The following PTPRK variants were observed in gnomAD, a reference collection of about 807,000 sequenced individuals.
PTPRK encodes protein tyrosine phosphatase receptor type K, also known as receptor-type tyrosine-protein phosphatase kappa.
Under a neutral mutation model 178.0 loss-of-function variants are expected in PTPRK, and 75 were observed. The observed-to-expected ratio is 0.42, with a 90% CI of 0.35 to 0.51. PTPRK has a LOEUF of 0.51. Ranked by LOEUF, PTPRK falls within the 20% of genes least tolerant of loss-of-function variation. The pLI is 0.02. For missense variants in PTPRK, 1,441 were observed against 1,797.8 expected (o/e 0.80, Z 3.59); for synonymous variants, 637 against 620.6 (o/e 1.03, Z -0.39).
chr6:128,280,368 C>T (rs1439395153), intron 3 of PTPRK, among the ~76,000 whole-genome samples: 1 of 152,096 alleles, frequency 6.6e-6, no homozygotes, highest in Non-Finnish European at 1.5e-5. Flanking sequence ...AAATACTGTT[C>T]CTATATGATC....
chr6:128,301,373 T>C (rs1424120758), intron 3 of PTPRK, among the ~76,000 whole-genome samples: 2 of 151,330 alleles, frequency 1.3e-5, no homozygotes. Flanking sequence ...TACTCTCTTT[T>C]AAAAAAAAAT....
rs186650809 is a variant in PTPRK at position 128,026,629 on chromosome 6, T to C, written c.2195-17361A>G. Among the ~76,000 whole-genome samples the C allele has an allele frequency of 4.6e-5, 7 of 152,328 alleles. No individual in the cohort carries two copies. The East Asian group carries it at 1.3e-3, about 29-fold the overall frequency. On this transcript the variant is annotated intron_variant, in intron 13 of 29. Coordinates refer to ENST00000368226, the MANE Select transcript of PTPRK (RefSeq NM_002844.4). ...TAATATACAATTACTGGTATTACTA[T>C]TAAGGATTAAGAAAGCACTGGCATG...
intron 7 of PTPRK, among the ~76,000 whole-genome samples, chr6:128,129,896 T>C (rs1379016582): frequency 1.3e-5 from 2 of 152,130 alleles, no homozygotes; most frequent in African/African-American, 2.4e-5. Flanking sequence ...AAGGAAAAAA[T>C]GCCATCCAAG....
chr6:128,474,233 T>C (rs557313410), intron 1 of PTPRK, among the ~76,000 whole-genome samples: 5 of 151,842 alleles, frequency 3.3e-5, no homozygotes, highest in Non-Finnish European at 5.9e-5. Flanking sequence ...AAGAGAAACA[T>C]GAATGTTTAT....
At chr6:128,433,486 A>C (rs80347064) in intron 1 of PTPRK, among the ~76,000 whole-genome samples, 3,893 of 150,916 alleles carry the variant, frequency 0.026, 163 homozygotes, top group African/African-American at 0.09. Flanking sequence ...CATTTCTAAT[A>C]GTTTTTTTTT....
chr6:128,291,685 C>T (rs1823408242), intron 3 of PTPRK, among the ~76,000 whole-genome samples: 1 of 152,122 alleles, frequency 6.6e-6, no homozygotes, highest in Non-Finnish European at 1.5e-5. Flanking sequence ...TATACCCTTT[C>T]TCAACTGGGA....
intron 1 of PTPRK, chr6:128,409,249 CTAT>C (rs1162088911): frequency 4.6e-6 from 2 of 439,268 alleles, no homozygotes; most frequent in Non-Finnish European, 4.5e-6. Flanking sequence ...TAAAACATGG[CTAT>C]AACTTCCTAT....
rs182563137 is a variant in PTPRK at position 128,354,568 on chromosome 6, C to T, written c.224-32258G>A. On this transcript the variant is annotated intron_variant, in intron 2 of 29. Transcript: ENST00000368226. ...ATGTTTAATGTTACGATATATCTCA[C>T]ACATTCTAAATTTGTTGTATTTTTA... Among the ~76,000 whole-genome samples the T allele has an allele frequency of 1.8e-3, 272 of 152,272 alleles. 1 individual carries two copies. Among genetic ancestry groups the T allele is most frequent in the African/African-American group, 6.1e-3 (255 of 41,562 alleles).
At chr6:128,370,170 G>C (rs569153820) in intron 2 of PTPRK, among the ~76,000 whole-genome samples, 12 of 152,122 alleles carry the variant, frequency 7.9e-5, no homozygotes, top group African/African-American at 2.9e-4. Context: ...AACAAAAAGT[G>C]GTTCGACGAT....
At chr6:128,350,775 T>C (rs1465775405) in intron 2 of PTPRK, among the ~76,000 whole-genome samples, 1 of 152,180 alleles carries the variant, frequency 6.6e-6, no homozygotes, top group African/African-American at 2.4e-5. Context: ...TGAAAAGTTA[T>C]CACCAAGCAA....
At chr6:128,055,478 C>T (rs549146482) in intron 13 of PTPRK, among the ~76,000 whole-genome samples, 111 of 152,146 alleles carry the variant, frequency 7.3e-4, no homozygotes, top group African/African-American at 2.6e-3. Flanking sequence ...TTACTAAATT[C>T]CTTAGCAGTG....
chr6:128,226,620 C>T (rs1280887541), intron 5 of PTPRK, among the ~76,000 whole-genome samples: 1 of 152,070 alleles, frequency 6.6e-6, no homozygotes, highest in Non-Finnish European at 1.5e-5. Flanking sequence ...CATGTTTTAG[C>T]CTGCCCTCCC....
intron 13 of PTPRK, among the ~76,000 whole-genome samples, chr6:128,042,739 G>A (rs1777406518): frequency 6.6e-6 from 1 of 151,920 alleles, no homozygotes; most frequent in African/African-American, 2.4e-5. Flanking sequence ...TTTGTGGGGG[G>A]ACATTATTCA....
chr6:128,058,360 T>C (rs552560082), intron 13 of PTPRK, among the ~76,000 whole-genome samples: 1 of 152,304 alleles, frequency 6.6e-6, no homozygotes, highest in South Asian at 2.1e-4. Context: ...AATTTTGGTA[T>C]AGGTGTAGTG....
chr6:128,347,877 A>G, intron 2 of PTPRK, among the ~76,000 whole-genome samples: 1 of 152,074 alleles, frequency 6.6e-6, no homozygotes, highest in East Asian at 1.9e-4. Flanking sequence ...AACCATCATA[A>G]TATTCCATAA....
chr6:128,484,886 TCTAA>T (rs1262732071), intron 1 of PTPRK, among the ~76,000 whole-genome samples: 1 of 152,146 alleles, frequency 6.6e-6, no homozygotes, highest in South Asian at 2.1e-4. Flanking sequence ...AATCCACAAC[TCTAA>T]CTACTATAAT....
chr6:128,235,839 C>T lies in PTPRK; in HGVS notation c.693+4196G>A, dbSNP rs150471335. On this transcript the variant is annotated intron_variant, in intron 5 of 29. Coordinates refer to ENST00000368226, the MANE Select transcript of PTPRK (RefSeq NM_002844.4). The stretch of plus-strand genomic sequence containing the variant: ...AATAGTAGCCTAATGCTACATCACA[C>T]TGCCTATGTCATTCACCTCACTTAT... 8.5e-3 allele frequency among the ~76,000 whole-genome samples: 1,291 copies of T among 152,216 alleles called. 60 individuals are homozygous for T. Among genetic ancestry groups the T allele is most frequent in the Admixed American group, 0.065 (991 of 15,276 alleles).
intron 13 of PTPRK, among the ~76,000 whole-genome samples, chr6:128,045,175 C>G (rs963492052): frequency 6.6e-6 from 1 of 152,006 alleles, no homozygotes; most frequent in Non-Finnish European, 1.5e-5. Flanking sequence ...TAGTAGAATA[C>G]TTACGTATAG....
chr6:128,090,122 G>T, intron 7 of PTPRK, 130 bp from the exon 8 acceptor site: 3 of 742,360 alleles, frequency 4.0e-6, no homozygotes, highest in Non-Finnish European at 6.4e-6. Context: ...ATTTTCCTTT[G>T]CTTTATTTAT....
Sources: gnomAD v4.1 joint callset for allele counts (sites outside exome capture counted in the v4.1 genomes callset) on GRCh38, gnomAD v4.1.1 for gene constraint, MANE v1.5 for transcripts, NCBI Gene and HGNC (gene_info 2026-07-23, HGNC 2026-07-21) for gene names.